Variants in KITLG observed in about 807,000 individuals in gnomAD.
KITLG encodes KIT ligand, also known as c-Kit ligand.
A neutral mutation model predicts 34.1 loss-of-function variants in KITLG; 13 were observed. That is an observed-to-expected ratio of 0.38 (90% CI 0.25 to 0.61). The LOEUF is 0.61. Ranked by LOEUF, KITLG falls within the 20% of genes least tolerant of loss-of-function variation. The pLI is 0.60. For missense variants in KITLG, 292 were observed against 318.9 expected (o/e 0.92, Z 0.64); for synonymous variants, 110 against 104.0 (o/e 1.06, Z -0.35).
chr12:88,555,991 T>A (rs973762712), intron 1 of KITLG, among the ~76,000 whole-genome samples: 1 of 151,628 alleles, frequency 6.6e-6, no homozygotes, highest in Admixed American at 6.6e-5. Context: ...AAACCTGACT[T>A]GGGGAGGGGG....
intron 1 of KITLG, among the ~76,000 whole-genome samples, chr12:88,567,345 T>C (rs1485498623): frequency 6.6e-6 from 1 of 152,194 alleles, no homozygotes. Context: ...AAACTTTGTA[T>C]TACAAAAGAG....
chr12:88,539,991 T>C (rs1870466597), intron 2 of KITLG, among the ~76,000 whole-genome samples: 1 of 152,030 alleles, frequency 6.6e-6, no homozygotes, highest in Non-Finnish European at 1.5e-5. Context: ...AATATCTAAA[T>C]AAAGATAGAT....
At chr12:88,542,352 T>C (rs1271590128) in intron 2 of KITLG, among the ~76,000 whole-genome samples, 1 of 152,170 alleles carries the variant, frequency 6.6e-6, no homozygotes, top group Non-Finnish European at 1.5e-5. Flanking sequence ...TTAATAACTA[T>C]TGATCATGTC....
chr12:88,560,319 A>G (rs1871254449), intron 1 of KITLG, among the ~76,000 whole-genome samples: 1 of 152,208 alleles, frequency 6.6e-6, no homozygotes, highest in African/African-American at 2.4e-5. Context: ...ATCTTTATTG[A>G]TCCCTTAAAT....
At chr12:88,578,364 C>T (rs1427017319) in intron 1 of KITLG, among the ~76,000 whole-genome samples, 2 of 152,154 alleles carry the variant, frequency 1.3e-5, no homozygotes, top group East Asian at 3.9e-4. Flanking sequence ...CAAGTTCCCC[C>T]AAAGGGCCTG....
chr12:88,524,452 C>T (rs1869792092), intron 3 of KITLG, among the ~76,000 whole-genome samples: 3 of 151,968 alleles, frequency 2.0e-5, no homozygotes, highest in Non-Finnish European at 4.4e-5. Flanking sequence ...GTAAAACACA[C>T]TGTGGATTTT....
At chr12:88,543,013 T>A (rs1251546646) in intron 2 of KITLG, among the ~76,000 whole-genome samples, 1 of 152,200 alleles carries the variant, frequency 6.6e-6, no homozygotes, top group Non-Finnish European at 1.5e-5. Flanking sequence ...CAATTGCTCT[T>A]AAGCCTCCTT....
chr12:88,553,048 T>G (rs902513846), intron 1 of KITLG, among the ~76,000 whole-genome samples: 1 of 152,244 alleles, frequency 6.6e-6, no homozygotes, highest in African/African-American at 2.4e-5. Context: ...CAAAAATGTT[T>G]GAGTAAAACT....
At chr12:88,530,465 G>A (rs1302181278) in intron 3 of KITLG, among the ~76,000 whole-genome samples, 1 of 152,066 alleles carries the variant, frequency 6.6e-6, no homozygotes, top group Non-Finnish European at 1.5e-5. Flanking sequence ...TTTTGCAAAT[G>A]GAAAAGTGTT....
intron 1 of KITLG, among the ~76,000 whole-genome samples, chr12:88,576,080 C>T (rs1871814140): frequency 2.6e-5 from 4 of 152,046 alleles, no homozygotes; most frequent in Admixed American, 2.6e-4. Flanking sequence ...GAAATAATTC[C>T]TTAGAATCAT....
rs140316904 is a variant in KITLG, at chr12:88,545,814, C to T, written c.67G>A (p.Val23Ile). Residue 23 changes from valine to isoleucine, a missense_variant, in exon 2 of 10, where the codon GTC becomes ATC. Val to Ile is a conservative substitution (Grantham distance 29). Coordinates refer to ENST00000644744, the MANE Select transcript of KITLG (RefSeq NM_000899.5). ...TTCCTGCAGATCCCTTCAGTTTTGA[C>T]GAGAGGATTAAATAGGAGCAGCTGA... ...YLQLLLFNPLVKTEGICRNRV... is the reference protein window; with the variant it reads ...YLQLLLFNPLIKTEGICRNRV... The T allele has an allele frequency of 1.8e-4, 298 of 1,612,900 alleles. 1 individual carries two copies. The highest frequency in any genetic ancestry group is 2.0e-4 in the East Asian group (9 of 44,852).
chr12:88,569,604 A>G (rs1216519363), intron 1 of KITLG, among the ~76,000 whole-genome samples: 1 of 152,164 alleles, frequency 6.6e-6, no homozygotes, highest in Non-Finnish European at 1.5e-5. Context: ...ATAACTACCT[A>G]TGATAAATGT....
intron 9 of KITLG, among the ~76,000 whole-genome samples, chr12:88,503,279 G>C (rs1868935342): frequency 1.3e-5 from 2 of 152,122 alleles, no homozygotes; most frequent in Non-Finnish European, 2.9e-5. Context: ...TCATACAGGA[G>C]GCAAGATAAT....
At chr12:88,532,168 A>C (rs1870119803) in intron 3 of KITLG, among the ~76,000 whole-genome samples, 1 of 152,044 alleles carries the variant, frequency 6.6e-6, no homozygotes, top group South Asian at 2.1e-4. Context: ...GGGAGGATGG[A>C]GGGTCGGAAG....
intron 6 of KITLG, among the ~76,000 whole-genome samples, chr12:88,511,158 C>T (rs528610509): frequency 1.8e-4 from 27 of 152,176 alleles, no homozygotes; most frequent in South Asian, 6.2e-4. Flanking sequence ...TTCAGAGGCA[C>T]GGGATTGAAT....
intron 9 of KITLG, among the ~76,000 whole-genome samples, chr12:88,499,757 A>G (rs1868781353): frequency 6.6e-6 from 1 of 152,188 alleles, no homozygotes; most frequent in Non-Finnish European, 1.5e-5. Context: ...ACATCCCATT[A>G]GTAACTAGGA....
At chr12:88,542,557 C>T (rs1870554456) in intron 2 of KITLG, among the ~76,000 whole-genome samples, 1 of 152,014 alleles carries the variant, frequency 6.6e-6, no homozygotes, top group Non-Finnish European at 1.5e-5. Flanking sequence ...AACAGTCACT[C>T]ATGTTGCTGT....
Position 88,552,320 on chromosome 12 carries a change from G to A in KITLG, c.16-6455C>T, listed in dbSNP as rs1305236339. On this transcript the variant is annotated intron_variant, in intron 1 of 9. Coordinates refer to ENST00000644744, the MANE Select transcript of KITLG (RefSeq NM_000899.5). ...CTCCCAAGTAGCTGGGATTATAGGTGCCTGCCACCATGGCTGGCCTTTTTC... is the reference window on the plus strand; with the variant it reads ...CTCCCAAGTAGCTGGGATTATAGGTACCTGCCACCATGGCTGGCCTTTTTC... Among the ~76,000 whole-genome samples the A allele has an allele frequency of 3.3e-5, 5 of 151,190 alleles. No homozygotes were observed. The East Asian group carries it at 7.8e-4, about 23-fold the overall frequency.
intron 1 of KITLG, among the ~76,000 whole-genome samples, chr12:88,557,625 T>G (rs1054241174): frequency 8.5e-5 from 13 of 152,140 alleles, no homozygotes; most frequent in Non-Finnish European, 7.4e-5. Context: ...AAACGCCATT[T>G]CTCAGATGCC....
Sources: allele counts gnomAD v4.1 joint callset (sites outside exome capture counted in the v4.1 genomes callset), GRCh38; gene constraint gnomAD v4.1.1; transcripts MANE v1.5; gene names NCBI Gene and HGNC (gene_info 2026-07-23, HGNC 2026-07-21).